The following PRELID2 variants were observed in gnomAD, a reference collection of about 807,000 sequenced individuals.
PRELID2 encodes the protein PRELI domain-containing protein 2.
In PRELID2, 25 loss-of-function variants were observed where a neutral mutation model predicts 28.4. The ratio of observed to expected loss-of-function variants is 0.88; its 90% CI spans 0.64 to 1.23. The LOEUF (loss-of-function observed/expected upper bound fraction) is 1.23, where lower values mean the gene tolerates loss of function less well. Among genes scored for constraint, PRELID2 ranks in the 50% most tolerant of loss-of-function variants. PRELID2 has a pLI of 0.00. For missense variants in PRELID2, 201 were observed against 214.4 expected (o/e 0.94, Z 0.39); for synonymous variants, 76 against 71.6 (o/e 1.06, Z -0.31).
In PRELID2 at chr5:145,504,633, C is replaced by T. The variant is rs572353402; in HGVS notation, n.71-31318G>A. Among the ~76,000 whole-genome samples the T allele has an allele frequency of 2.0e-5, 3 of 152,250 alleles. No homozygotes were observed. In the South Asian group the frequency reaches 6.2e-4, roughly 32 times the overall value. On this transcript the variant is annotated intron_variant and non_coding_transcript_variant, in intron 1 of 2. Coordinates refer to the PRELID2 transcript ENST00000510259. ...AGGGAGACATACCTGAACTCATCAG[C>T]TAAGTACCTCCCTTTTATTTAGTAA... is the stretch of plus-strand genomic sequence containing the variant.
intron 1 of PRELID2, among the ~76,000 whole-genome samples, chr5:145,678,725 G>A (rs958992005): frequency 2.0e-5 from 3 of 152,160 alleles, no homozygotes; most frequent in Non-Finnish European, 2.9e-5. Context: ...TAAGACCTTG[G>A]GAAACCTTAC....
At chr5:145,443,631 T>C in the PRELID2 span, among the ~76,000 whole-genome samples, 3 of 152,098 alleles carry the variant, frequency 2.0e-5, no homozygotes, top group South Asian at 2.1e-4. Flanking sequence ...ATGCCTATAA[T>C]GTAGAGCACA....
At chr5:145,300,653 T>G in the PRELID2 span, among the ~76,000 whole-genome samples, 2,768 of 151,156 alleles carry the variant, frequency 0.018, 45 homozygotes, top group Middle Eastern at 0.055. Context: ...CTACCAAGAT[T>G]ACAAGTAACA....
At chr5:145,378,712 C>T in the PRELID2 span, among the ~76,000 whole-genome samples, 1 of 152,072 alleles carries the variant, frequency 6.6e-6, no homozygotes, top group Non-Finnish European at 1.5e-5. Context: ...TTTTAGCTTC[C>T]TTGGATTGGG....
intron 1 of PRELID2, among the ~76,000 whole-genome samples, chr5:145,674,003 A>C (rs565890824): frequency 2.6e-4 from 39 of 152,326 alleles, no homozygotes; most frequent in African/African-American, 8.7e-4. Flanking sequence ...AGTGAGTGCC[A>C]ATAAAATGTC....
intron 1 of PRELID2, among the ~76,000 whole-genome samples, chr5:145,669,686 T>G (rs1455814435): frequency 1.3e-5 from 2 of 152,164 alleles, no homozygotes; most frequent in Admixed American, 6.5e-5. Flanking sequence ...CCCACAACCA[T>G]GCATGTTTGC....
chr5:145,569,111 T>C (rs562506099), intron 1 of PRELID2, among the ~76,000 whole-genome samples: 6 of 152,338 alleles, frequency 3.9e-5, no homozygotes, highest in Non-Finnish European at 5.9e-5. Flanking sequence ...TTAAGACCCA[T>C]TGAGTGATGA....
At chr5:145,459,738 T>C in the PRELID2 span, among the ~76,000 whole-genome samples, 1 of 151,940 alleles carries the variant, frequency 6.6e-6, no homozygotes, top group Non-Finnish European at 1.5e-5. Context: ...CTCAACTATA[T>C]CTTCTTACTT....
intron 1 of PRELID2, among the ~76,000 whole-genome samples, chr5:145,700,231 G>C (rs771845809): frequency 6.6e-6 from 1 of 151,614 alleles, no homozygotes; most frequent in Non-Finnish European, 1.5e-5. Context: ...ACATCAACCT[G>C]TAATGATTTT....
intron 1 of PRELID2, among the ~76,000 whole-genome samples, chr5:145,551,766 A>T (rs1308813813): frequency 6.6e-6 from 1 of 152,208 alleles, no homozygotes; most frequent in Non-Finnish European, 1.5e-5. Context: ...GTGTGGGCAG[A>T]GTTTAGCAAA....
chr5:145,661,683 A>C (rs1185816256), intron 1 of PRELID2, among the ~76,000 whole-genome samples: 1 of 150,924 alleles, frequency 6.6e-6, no homozygotes, highest in Non-Finnish European at 1.5e-5. Flanking sequence ...AAAAAAAAAA[A>C]AAAAAACATG....
chr5:145,741,259 A>G (rs1233779374), intron 1 of PRELID2, among the ~76,000 whole-genome samples: 4 of 108,816 alleles, frequency 3.7e-5, no homozygotes, highest in East Asian at 5.6e-4. Flanking sequence ...ATATATAAAT[A>G]ATATATATTT....
At chr5:145,266,532 A>T in the PRELID2 span, among the ~76,000 whole-genome samples, 2 of 152,156 alleles carry the variant, frequency 1.3e-5, no homozygotes, top group Non-Finnish European at 2.9e-5. Context: ...CAAAAAATCC[A>T]AAAATAATAG....
chr5:145,319,105 T>C, the PRELID2 span, among the ~76,000 whole-genome samples: 1 of 152,030 alleles, frequency 6.6e-6, no homozygotes, highest in Non-Finnish European at 1.5e-5. Flanking sequence ...TGTATATGGG[T>C]ATGGTATAGG....
At chr5:145,395,691 T>A in the PRELID2 span, among the ~76,000 whole-genome samples, 1 of 152,274 alleles carries the variant, frequency 6.6e-6, no homozygotes, top group East Asian at 1.9e-4. Context: ...ACATTTGTTG[T>A]TATTTTTCTG....
At chr5:145,558,026 A>G (rs116420884) in intron 1 of PRELID2, among the ~76,000 whole-genome samples, 225 of 152,334 alleles carry the variant, frequency 1.5e-3, no homozygotes, top group African/African-American at 5.4e-3. Context: ...AAGAAATGAA[A>G]TTATTTAATG....
the PRELID2 span, among the ~76,000 whole-genome samples, chr5:145,419,967 G>C: frequency 6.6e-6 from 1 of 151,768 alleles, no homozygotes; most frequent in Admixed American, 6.6e-5. Context: ...AGTTTTCCCA[G>C]CACCATTTAT....
At chr5:145,275,797 T>A in the PRELID2 span, among the ~76,000 whole-genome samples, 1 of 152,158 alleles carries the variant, frequency 6.6e-6, no homozygotes, top group African/African-American at 2.4e-5. Flanking sequence ...GTTCAGACTT[T>A]ATGGATTAGT....
At chr5:145,314,480 A>G in the PRELID2 span, among the ~76,000 whole-genome samples, 1 of 152,212 alleles carries the variant, frequency 6.6e-6, no homozygotes, top group African/African-American at 2.4e-5. Flanking sequence ...ATACAGTGCT[A>G]TAAGTTATAA....
Sources: gnomAD v4.1 joint callset for allele counts (sites outside exome capture counted in the v4.1 genomes callset) on GRCh38, gnomAD v4.1.1 for gene constraint, MANE v1.5 for transcripts, NCBI Gene and HGNC (gene_info 2026-07-23, HGNC 2026-07-21) for gene names.